SEZ6L: variants seen among roughly 807,000 people sequenced by gnomAD.
The protein encoded by SEZ6L is seizure 6-like protein.
SEZ6L carries 37 observed loss-of-function variants against 106.2 expected under a neutral mutation model. That is an observed-to-expected ratio of 0.35 (90% CI 0.27 to 0.46). SEZ6L has a LOEUF of 0.46. SEZ6L is among the 20% of genes least tolerant of loss of function. The pLI, the probability that SEZ6L is intolerant of heterozygous loss-of-function variation, is 1.00. For missense variants in SEZ6L, 1,172 were observed against 1,332.8 expected (o/e 0.88, Z 1.88); for synonymous variants, 541 against 570.4 (o/e 0.95, Z 0.73).
chr22:26,266,409 A>T (rs920117007), intron 1 of SEZ6L, among the ~76,000 whole-genome samples: 27 of 151,020 alleles, frequency 1.8e-4, no homozygotes, highest in Non-Finnish European at 8.9e-5. Context: ...AAAAAAAAAA[A>T]AAAAATACAA....
chr22:26,370,866 T>G (rs1008988283), intron 13 of SEZ6L, among the ~76,000 whole-genome samples: 1 of 151,926 alleles, frequency 6.6e-6, no homozygotes, highest in Admixed American at 6.6e-5. Context: ...TAGCGGGGCA[T>G]GGTGACACAC....
intron 1 of SEZ6L, among the ~76,000 whole-genome samples, chr22:26,193,669 T>G (rs1940393600): frequency 6.6e-6 from 1 of 152,212 alleles, no homozygotes; most frequent in South Asian, 2.1e-4. Flanking sequence ...TTTGTTACAA[T>G]TTTGAAAAGC....
chr22:26,292,048 G>A (rs1264756970), intron 1 of SEZ6L, among the ~76,000 whole-genome samples: 3 of 148,878 alleles, frequency 2.0e-5, no homozygotes, highest in Admixed American at 6.7e-5. Context: ...TGGATGGAAG[G>A]AAAGAAGGAA....
chr22:26,227,836 T>C (rs1291210398), intron 1 of SEZ6L, among the ~76,000 whole-genome samples: 1 of 152,084 alleles, frequency 6.6e-6, no homozygotes, highest in Non-Finnish European at 1.5e-5. Context: ...GCCTGCAGAG[T>C]GGCCTCTGCC....
chr22:26,339,092 C>T (rs1241510822), intron 9 of SEZ6L, among the ~76,000 whole-genome samples: 1 of 151,924 alleles, frequency 6.6e-6, no homozygotes, highest in East Asian at 1.9e-4. Flanking sequence ...GGAATGCTTC[C>T]ATGATGCCCC....
chr22:26,329,244 G>A (rs1483209431), intron 9 of SEZ6L, among the ~76,000 whole-genome samples: 1 of 152,192 alleles, frequency 6.6e-6, no homozygotes, highest in Non-Finnish European at 1.5e-5. Flanking sequence ...AAGGCAGGTG[G>A]ATCATCTGAG....
At chr22:26,260,509 T>C (rs910398813) in intron 1 of SEZ6L, among the ~76,000 whole-genome samples, 1 of 152,184 alleles carries the variant, frequency 6.6e-6, no homozygotes, top group African/African-American at 2.4e-5. Flanking sequence ...CATATATACA[T>C]ATGACAATTT....
chr22:26,186,154 G>A lies in SEZ6L; in HGVS notation c.94+16391G>A, dbSNP rs114837216. Among the ~76,000 whole-genome samples, 90 of 152,084 alleles carry A rather than the reference G, an allele frequency of 5.9e-4. 1 individual carries two copies. The highest frequency in any genetic ancestry group is 2.0e-3 in the African/African-American group (85 of 41,484). On this transcript the variant is annotated intron_variant, in intron 1 of 16. Coordinates refer to ENST00000248933, the MANE Select transcript of SEZ6L (RefSeq NM_021115.5). ...CTCCTTTCCGCTCCTACACTTGCAG[G>A]GGAACGGCTGAGCCAGGGACCTGTG...
intron 8 of SEZ6L, among the ~76,000 whole-genome samples, chr22:26,313,020 C>T (rs77789657): frequency 0.24 from 35,855 of 152,194 alleles, 5,165 homozygotes; most frequent in African/African-American, 0.4. Flanking sequence ...GGGATTGATC[C>T]CTATATTAAA....
chr22:26,303,672 C>T (rs1051330111), intron 5 of SEZ6L, among the ~76,000 whole-genome samples: 12 of 152,196 alleles, frequency 7.9e-5, no homozygotes, highest in African/African-American at 1.2e-4. Flanking sequence ...TAAATATTTA[C>T]TGAGCACATT....
At chr22:26,289,887 T>C (rs902259400) in intron 1 of SEZ6L, among the ~76,000 whole-genome samples, 2 of 152,206 alleles carry the variant, frequency 1.3e-5, no homozygotes, top group Non-Finnish European at 2.9e-5. Flanking sequence ...GTCCCCGTGA[T>C]GTAATTCCTC....
chr22:26,328,039 G>A (rs1455228905), intron 9 of SEZ6L, among the ~76,000 whole-genome samples: 32 of 152,218 alleles, frequency 2.1e-4, no homozygotes, highest in Admixed American at 2.1e-3. Context: ...CTATTGAGTG[G>A]GGAAATGGGG....
At chr22:26,254,887 A>T (rs1307384102) in intron 1 of SEZ6L, among the ~76,000 whole-genome samples, 1 of 152,080 alleles carries the variant, frequency 6.6e-6, no homozygotes, top group African/African-American at 2.4e-5. Context: ...AGCTCTATTT[A>T]TTAAGGAGTG....
intron 1 of SEZ6L, among the ~76,000 whole-genome samples, chr22:26,248,083 C>A (rs1165659840): frequency 6.6e-6 from 1 of 152,146 alleles, no homozygotes; most frequent in South Asian, 2.1e-4. Context: ...TGGAGGATTG[C>A]AGGGCAGGGA....
chr22:26,234,656 G>A (rs1020349797), intron 1 of SEZ6L, among the ~76,000 whole-genome samples: 2 of 152,220 alleles, frequency 1.3e-5, no homozygotes, highest in Non-Finnish European at 2.9e-5. Flanking sequence ...AAACCCAACT[G>A]CTGGCTTGAT....
At chr22:26,366,314 A>G (rs965129328) in intron 13 of SEZ6L, among the ~76,000 whole-genome samples, 1 of 152,134 alleles carries the variant, frequency 6.6e-6, no homozygotes, top group Non-Finnish European at 1.5e-5. Context: ...AGCCTGGGTG[A>G]CACAGCGAGA....
chr22:26,362,965 A>G (rs1941128), intron 12 of SEZ6L, among the ~76,000 whole-genome samples: 107,340 of 152,162 alleles, frequency 0.71, 38,341 homozygotes, highest in East Asian at 0.96. Context: ...CAATTGATTC[A>G]TTCATCTTTT....
rs2084390602 is a variant in SEZ6L at position 26,380,871 on chromosome 22, G to A, written c.*576G>A. 1 of 152,446 alleles carries A rather than the reference G, an allele frequency of 6.6e-6. No individual in the cohort carries two copies. Among genetic ancestry groups the A allele is most frequent in the Non-Finnish European group, 1.5e-5 (1 of 68,222 alleles). 9.4% of individuals were successfully genotyped at this position (152,446 alleles called of 1,614,324 possible). On this transcript the variant is annotated 3_prime_UTR_variant, in exon 17 of 17. Coordinates refer to ENST00000248933, the MANE Select transcript of SEZ6L (RefSeq NM_021115.5). ...CCCTCTCACGGTTCTTCTGAAGGTA[G>A]CAAAGGTGTTATATAAACATTGTCT...
At chr22:26,325,927 CCACACACA>C (rs59284489) in intron 9 of SEZ6L, among the ~76,000 whole-genome samples, 15,445 of 149,344 alleles carry the variant, frequency 0.1, 1,087 homozygotes, top group Admixed American at 0.24. Flanking sequence ...ATCACACACA[CCACACACA>C]CACACACACA....
Sources: gnomAD v4.1 joint callset for allele counts (sites outside exome capture counted in the v4.1 genomes callset) on GRCh38, gnomAD v4.1.1 for gene constraint, MANE v1.5 for transcripts, NCBI Gene and HGNC (gene_info 2026-07-23, HGNC 2026-07-21) for gene names.